Variants in DARS1 observed in about 807,000 individuals in gnomAD.
DARS1 encodes the protein aspartyl-tRNA synthetase 1.
DARS1 carries 51 observed loss-of-function variants against 68.8 expected under a neutral mutation model. The observed-to-expected ratio is 0.74, with a 90% confidence interval of 0.59 to 0.94. DARS1 has a LOEUF of 0.94. DARS1 is among the 40% of genes least tolerant of loss of function. The probability of loss-of-function intolerance (pLI) is 0.00; values close to 1 mark genes in which losing one functional copy is unlikely to be tolerated. For missense variants in DARS1, 607 were observed against 597.3 expected (o/e 1.02, Z -0.17); for synonymous variants, 203 against 190.4 (o/e 1.07, Z -0.55).
intron 12 of DARS1, among the ~76,000 whole-genome samples, chr2:135,913,485 G>A (rs368413153): frequency 2.4e-4 from 36 of 152,176 alleles, no homozygotes; most frequent in East Asian, 1.2e-3. Flanking sequence ...GGCCCGGCGC[G>A]GTGGCTCATG....
intron 9 of DARS1, among the ~76,000 whole-genome samples, chr2:135,921,287 AC>A (rs369015393): frequency 5.8e-4 from 88 of 151,792 alleles, no homozygotes; most frequent in African/African-American, 2.0e-3. Flanking sequence ...GACCAAAAAA[AC>A]CCTAAAACCT....
rs749667279 is a variant in DARS1 at position 135,985,477 on chromosome 2, G to A, written c.-9C>T. The A allele has an allele frequency of 1.9e-6, 3 of 1,613,824 alleles. No individual in the cohort carries two copies. Among genetic ancestry groups the A allele is most frequent in the Admixed American group, 1.7e-5 (1 of 60,002 alleles). On this transcript the variant is annotated 5_prime_UTR_variant, in exon 1 of 16. Coordinates refer to ENST00000264161, the MANE Select transcript of DARS1 (RefSeq NM_001349.4). ...GCGCTGGCGCTGGGCATCGGGACACGGAACTGGGCAGTGGACACCACCCTC... is the reference window on the plus strand; with the variant it reads ...GCGCTGGCGCTGGGCATCGGGACACAGAACTGGGCAGTGGACACCACCCTC...
chr2:135,947,222 A>G (rs1444180304), intron 4 of DARS1, among the ~76,000 whole-genome samples: 2 of 152,084 alleles, frequency 1.3e-5, no homozygotes, highest in Non-Finnish European at 1.5e-5. Flanking sequence ...CGTGGCCAAC[A>G]TGGTGAAACC....
chr2:135,970,753 T>C (rs1035362230), intron 3 of DARS1, among the ~76,000 whole-genome samples: 1 of 151,772 alleles, frequency 6.6e-6, no homozygotes, highest in African/African-American at 2.4e-5. Context: ...TAAATAAAAT[T>C]AGAGATGAAA....
intron 15 of DARS1, 86 bp from the exon 16 acceptor site, chr2:135,907,493 A>G (rs1183284946): frequency 1.2e-6 from 1 of 852,426 alleles, no homozygotes; most frequent in South Asian, 1.6e-5. Flanking sequence ...TGTAATCGTT[A>G]AACTAAATAC....
At chr2:135,920,087 A>C (rs1477996065) in intron 10 of DARS1, among the ~76,000 whole-genome samples, 1 of 152,180 alleles carries the variant, frequency 6.6e-6, no homozygotes, top group African/African-American at 2.4e-5. Context: ...AACCTCTTAC[A>C]CACTACCCTC....
intron 5 of DARS1, among the ~76,000 whole-genome samples, chr2:135,942,755 T>C (rs1681632435): frequency 6.6e-6 from 1 of 152,180 alleles, no homozygotes. Flanking sequence ...TCACTTATAT[T>C]GGTGAGTAGT....
At chr2:135,919,433 C>G (rs1449204563) in intron 10 of DARS1, among the ~76,000 whole-genome samples, 1 of 152,160 alleles carries the variant, frequency 6.6e-6, no homozygotes, top group Non-Finnish European at 1.5e-5. Context: ...TCAAATACAT[C>G]AACAAGGAAT....
At chr2:135,968,872 G>A (rs1409856472) in intron 3 of DARS1, among the ~76,000 whole-genome samples, 2 of 152,052 alleles carry the variant, frequency 1.3e-5, no homozygotes, top group Admixed American at 6.6e-5. Flanking sequence ...ATGTTGGCCA[G>A]GCTGGTCTTG....
At chr2:135,940,190 G>A (rs1681564856) in intron 5 of DARS1, among the ~76,000 whole-genome samples, 1 of 152,104 alleles carries the variant, frequency 6.6e-6, no homozygotes, top group African/African-American at 2.4e-5. Context: ...CCAAAGCCTG[G>A]CAGAGACATA....
chr2:135,983,420 A>G lies in DARS1; in HGVS notation c.101T>C (p.Met34Thr). Residue 34 changes from methionine to threonine, a missense_variant, in exon 2 of 16, where the codon ATG becomes ACG. Met to Thr is a moderately conservative substitution (Grantham distance 81, BLOSUM62 -1). Transcript: ENST00000264161. The part of the protein sequence containing the change: ...YAKERYGISS[M>T]IQSQEKPDRV... ...ACCTGGTTTTTCTTGTGATTGTATCATTGAAGATATTCCATATCTCTCTTT... is the reference window on the plus strand; with the variant it reads ...ACCTGGTTTTTCTTGTGATTGTATCGTTGAAGATATTCCATATCTCTCTTT... 4 of 1,233,922 alleles carry G rather than the reference A, an allele frequency of 3.2e-6. No individual in the cohort carries two copies. Among genetic ancestry groups the G allele is most frequent in the Non-Finnish European group, 4.8e-6 (4 of 840,218 alleles). 76.4% of individuals were successfully genotyped at this position (1,233,922 alleles called of 1,614,324 possible).
chr2:135,924,334 C>T (rs1681167861), intron 8 of DARS1, 53 bp downstream of exon 8: 1 of 1,508,882 alleles, frequency 6.6e-7, no homozygotes, highest in Non-Finnish European at 8.8e-7. Context: ...TAAAGCAACT[C>T]TGGGGAGAGC....
intron 3 of DARS1, among the ~76,000 whole-genome samples, chr2:135,974,435 T>C (rs1282398907): frequency 6.6e-6 from 1 of 152,208 alleles, no homozygotes; most frequent in Non-Finnish European, 1.5e-5. Flanking sequence ...AATAGTATAA[T>C]GAACCTCTCT....
chr2:135,911,420 G>A lies in DARS1; in HGVS notation c.1304C>T (p.Pro435Leu). The A allele has an allele frequency of 9.5e-7, 1 of 1,049,000 alleles. No individual in the cohort carries two copies. The highest frequency in any genetic ancestry group is 1.5e-6 in the Non-Finnish European group (1 of 663,082). 65.0% of individuals were successfully genotyped at this position (1,049,000 alleles called of 1,614,324 possible). The change falls in exon 14 of 16, where the codon CCT becomes CTT. Residue 435 changes from proline to leucine, a missense_variant. Pro to Leu is a moderately conservative substitution (Grantham distance 98). Coordinates refer to ENST00000264161, the MANE Select transcript of DARS1 (RefSeq NM_001349.4). ...ILSGAQRIHD[P>L]QLLTERALHH... ...TAAAGCTCTCTCTGTTAGCAGTTGA[G>A]GATCATGTATTCTTTGAGCTCCTGA...
intron 3 of DARS1, among the ~76,000 whole-genome samples, chr2:135,973,447 G>A (rs1301415872): frequency 2.0e-5 from 3 of 151,108 alleles, no homozygotes; most frequent in African/African-American, 7.3e-5. Flanking sequence ...GTTGAAGGTG[G>A]GGGGCCCTGG....
At position 135,916,405 on chromosome 2, in the gene DARS1, A is replaced by G. The variant is rs748738758; in HGVS notation, c.960-33T>C. 16 of 1,320,148 alleles carry G rather than the reference A, an allele frequency of 1.2e-5. No individual in the cohort carries two copies. In the South Asian group the frequency reaches 1.9e-4, roughly 16 times the overall value. 81.8% of individuals were successfully genotyped at this position (1,320,148 alleles called of 1,614,324 possible). On this transcript the variant is annotated intron_variant, in intron 10 of 15. Transcript: ENST00000264161. ...CAGAATGATTTAGTTAATAAAATGT[A>G]TGAGATAAATGTTTCCCCCACAAGA...
At chr2:135,949,377 T>A (rs1575397839) in intron 4 of DARS1, among the ~76,000 whole-genome samples, 2 of 152,088 alleles carry the variant, frequency 1.3e-5, no homozygotes, top group East Asian at 3.8e-4. Flanking sequence ...TAACCAAAAC[T>A]AACACAAACT....
intron 10 of DARS1, among the ~76,000 whole-genome samples, chr2:135,916,683 C>T (rs1437716693): frequency 5.9e-5 from 9 of 152,068 alleles, no homozygotes. Context: ...AATCCTTTAA[C>T]AATTCTTGTT....
At chr2:135,967,547 C>T (rs1682263873) in intron 3 of DARS1, among the ~76,000 whole-genome samples, 1 of 152,164 alleles carries the variant, frequency 6.6e-6, no homozygotes, top group Admixed American at 6.5e-5. Flanking sequence ...ATTTAAAACA[C>T]TTCACTTTAG....
Sources: allele counts gnomAD v4.1 joint callset (sites outside exome capture counted in the v4.1 genomes callset), GRCh38; gene constraint gnomAD v4.1.1; transcripts MANE v1.5; gene names NCBI Gene and HGNC (gene_info 2026-07-23, HGNC 2026-07-21).